The following SERPINB7 variants were observed in gnomAD, a reference collection of about 807,000 sequenced individuals.
SERPINB7 encodes the protein serpin B7.
In SERPINB7, 31 loss-of-function variants were observed where a neutral mutation model predicts 37.4. The observed-to-expected ratio is 0.83, with a 90% confidence interval of 0.62 to 1.12. The LOEUF (loss-of-function observed/expected upper bound fraction) is 1.12, where lower values mean the gene tolerates loss of function less well. Among genes scored for constraint, SERPINB7 ranks in the 50% most tolerant of loss-of-function variants. The pLI is 0.00. For missense variants in SERPINB7, 521 were observed against 455.3 expected (o/e 1.14, Z -1.31); for synonymous variants, 163 against 166.1 (o/e 0.98, Z 0.14).
rs1555696572 is a variant in SERPINB7, at chr18:63,804,617, C to G, written c.1125C>G (p.Gly375=). The part of the protein sequence containing the change: ...IRKDDIILFS[G]KVSCP Reference sequence around the variant, plus strand: ...AGGATGACATCATCTTATTCAGTGGCAAAGTTTCTTGCCCTTGAAAATCCA... The same window carrying G: ...AGGATGACATCATCTTATTCAGTGGGAAAGTTTCTTGCCCTTGAAAATCCA... The change falls in exon 8 of 8, where the codon GGC becomes GGG. Residue 375 remains glycine, a synonymous_variant. Transcript: ENST00000398019. 3.1e-6 allele frequency: 5 copies of G among 1,608,846 alleles called. No individual in the cohort carries two copies. The Admixed American group carries it at 6.7e-5, about 22-fold the overall frequency.
intron 1 of SERPINB7, among the ~76,000 whole-genome samples, chr18:63,778,285 CTA>C (rs2049270057): frequency 6.6e-6 from 1 of 152,004 alleles, no homozygotes; most frequent in Non-Finnish European, 1.5e-5. Flanking sequence ...AAATTTGAAA[CTA>C]TGTTTTTAAA....
chr18:63,783,267 A>AAAG, intron 2 of SERPINB7, among the ~76,000 whole-genome samples: 14 of 148,546 alleles, frequency 9.4e-5, no homozygotes, highest in African/African-American at 3.6e-4. Flanking sequence ...AGAAAGAAAG[A>AAAG]AAGAAAGAAA....
chr18:63,781,611 A>T (rs539058838), intron 1 of SERPINB7, among the ~76,000 whole-genome samples: 2 of 152,360 alleles, frequency 1.3e-5, no homozygotes, highest in South Asian at 4.1e-4. Context: ...GAAGAATTCC[A>T]TGGTGGTAGC....
At chr18:63,779,068 G>A (rs144136585) in intron 1 of SERPINB7, among the ~76,000 whole-genome samples, 1 of 152,210 alleles carries the variant, frequency 6.6e-6, no homozygotes, top group East Asian at 1.9e-4. Context: ...ATACTGGGTG[G>A]TGTCACACTG....
chr18:63,803,512 T>C (rs2049571797), intron 7 of SERPINB7, among the ~76,000 whole-genome samples: 1 of 152,220 alleles, frequency 6.6e-6, no homozygotes, highest in South Asian at 2.1e-4. Flanking sequence ...CAATTCTCAG[T>C]ATTCAAGAGC....
rs774833603 is a variant in SERPINB7, at chr18:63,804,665, C to T, written c.*30C>T. On this transcript the variant is annotated 3_prime_UTR_variant, in exon 8 of 8. Coordinates refer to ENST00000398019, the MANE Select transcript of SERPINB7 (RefSeq NM_003784.4). Reference sequence around the variant, plus strand: ...CCAATTGGTTTCTGTTATAGCAGTCCCCACAACATCAAAGAACCACCACAA... The same window carrying T: ...CCAATTGGTTTCTGTTATAGCAGTCTCCACAACATCAAAGAACCACCACAA... 4 of 1,546,666 alleles carry T rather than the reference C, an allele frequency of 2.6e-6. No individual in the cohort carries two copies. In the South Asian group the frequency reaches 3.8e-5, roughly 15 times the overall value.
At chr18:63,756,471 G>A (rs553351983) in intron 1 of SERPINB7, among the ~76,000 whole-genome samples, 1 of 152,142 alleles carries the variant, frequency 6.6e-6, no homozygotes, top group Non-Finnish European at 1.5e-5. Context: ...CTCAGCAGAG[G>A]GATCAAATGA....
At chr18:63,760,222 G>A (rs528452971) in intron 1 of SERPINB7, among the ~76,000 whole-genome samples, 2 of 152,318 alleles carry the variant, frequency 1.3e-5, no homozygotes, top group South Asian at 4.1e-4. Context: ...TGGAGCAAAG[G>A]TGACTCTTGT....
intron 4 of SERPINB7, among the ~76,000 whole-genome samples, chr18:63,793,610 T>C (rs1221061264): frequency 6.6e-6 from 1 of 152,132 alleles, no homozygotes; most frequent in African/African-American, 2.4e-5. Flanking sequence ...GTTCAAGCAA[T>C]AATCCCACCT....
At chr18:63,785,770 A>G (rs1235148979) in intron 2 of SERPINB7, among the ~76,000 whole-genome samples, 1 of 151,078 alleles carries the variant, frequency 6.6e-6, no homozygotes, top group Non-Finnish European at 1.5e-5. Context: ...TAGATCTAAT[A>G]ATGCTGTTCT....
intron 7 of SERPINB7, among the ~76,000 whole-genome samples, chr18:63,802,959 A>G (rs906684299): frequency 1.3e-5 from 2 of 152,172 alleles, no homozygotes; most frequent in Admixed American, 1.3e-4. Context: ...TCCTCATATT[A>G]AACCTATAAT....
chr18:63,762,901 C>T (rs1045179421), intron 1 of SERPINB7, among the ~76,000 whole-genome samples: 2 of 152,046 alleles, frequency 1.3e-5, no homozygotes. Flanking sequence ...TTAAAGTAAA[C>T]ATTAAATTTA....
intron 1 of SERPINB7, among the ~76,000 whole-genome samples, chr18:63,779,442 A>T (rs1468325723): frequency 6.6e-6 from 1 of 152,192 alleles, no homozygotes; most frequent in Non-Finnish European, 1.5e-5. Context: ...GTGCACCTGC[A>T]TAGAGAAAGA....
At chr18:63,777,016 A>G (rs1305345222) in intron 1 of SERPINB7, among the ~76,000 whole-genome samples, 1 of 152,108 alleles carries the variant, frequency 6.6e-6, no homozygotes, top group Non-Finnish European at 1.5e-5. Context: ...TCATACAACG[A>G]AAATAAAGGC....
In SERPINB7 at chr18:63,777,014, C is replaced by T. The variant is rs943729911; in HGVS notation, c.-19+1298C>T. Among the ~76,000 whole-genome samples the T allele has an allele frequency of 3.9e-5, 6 of 151,978 alleles. No individual in the cohort carries two copies. In the East Asian group the frequency reaches 5.8e-4, roughly 15 times the overall value. On this transcript the variant is annotated intron_variant, in intron 1 of 7. Coordinates refer to ENST00000398019, the MANE Select transcript of SERPINB7 (RefSeq NM_003784.4). ...CTCAATTTTAGCATTAATCATACAACGAAAATAAAGGCAGTATGGGCAAAC... is the reference window on the plus strand; with the variant it reads ...CTCAATTTTAGCATTAATCATACAATGAAAATAAAGGCAGTATGGGCAAAC...
chr18:63,796,388 G>A lies in SERPINB7; in HGVS notation c.454+5G>A. The A allele has an allele frequency of 2.1e-6, 3 of 1,419,174 alleles. No individual in the cohort carries two copies. The South Asian group carries it at 3.5e-5, about 16-fold the overall frequency. The allele number at this position is 1,419,174 out of a possible 1,614,324, so 87.9% of individuals were successfully genotyped here. A position where few individuals can be genotyped will look rare whatever the true frequency, so the allele number is the denominator to read the frequency against. On this transcript the variant is annotated splice_donor_5th_base_variant and intron_variant, in intron 5 of 7. Transcript: ENST00000398019. The stretch of plus-strand genomic sequence containing the variant: ...GGGTTGAAAATGAAACACATGGTGA[G>A]TATTGAAATACCCTATTTTTCTACA...
At chr18:63,793,391 A>G (rs2049450599) in intron 4 of SERPINB7, 114 bp downstream of exon 4, 1 of 537,166 alleles carries the variant, frequency 1.9e-6, no homozygotes, top group Non-Finnish European at 3.3e-6. Context: ...TCTCATTGCT[A>G]CTTATTATGT....
intron 2 of SERPINB7, among the ~76,000 whole-genome samples, chr18:63,787,546 T>C (rs1278837355): frequency 6.6e-6 from 1 of 152,200 alleles, no homozygotes; most frequent in African/African-American, 2.4e-5. Context: ...ACAAGCATTA[T>C]CTCAGAAAAG....
intron 1 of SERPINB7, among the ~76,000 whole-genome samples, chr18:63,779,781 G>A (rs1177988060): frequency 6.6e-6 from 1 of 151,980 alleles, no homozygotes; most frequent in South Asian, 2.1e-4. Context: ...CATGGAAATA[G>A]GAAGCCTGAA....
Sources: allele counts gnomAD v4.1 joint callset (sites outside exome capture counted in the v4.1 genomes callset), GRCh38; gene constraint gnomAD v4.1.1; transcripts MANE v1.5; gene names NCBI Gene and HGNC (gene_info 2026-07-23, HGNC 2026-07-21).